Variants in NEO1 observed in about 807,000 individuals in gnomAD.
The protein encoded by NEO1 is neogenin 1, also known as neogenin.
A neutral mutation model predicts 159.7 loss-of-function variants in NEO1; 63 were observed. The observed-to-expected ratio is 0.39, with a 90% CI of 0.32 to 0.49. The LOEUF (loss-of-function observed/expected upper bound fraction) is 0.49, where lower values mean the gene tolerates loss of function less well. Ranked by LOEUF, NEO1 falls within the 20% of genes least tolerant of loss-of-function variation. The pLI is 0.85. For missense variants in NEO1, 1,615 were observed against 1,831.0 expected, an observed-to-expected ratio of 0.88 and a Z score of 2.15; for synonymous variants, 633 against 662.0, an observed-to-expected ratio of 0.96 and a Z score of 0.67.
chr15:73,081,865 G>A (rs79334694), intron 1 of NEO1, among the ~76,000 whole-genome samples: 1 of 133,048 alleles, frequency 7.5e-6, no homozygotes, highest in African/African-American at 2.6e-5. Flanking sequence ...CCAAATACTA[G>A]TATTTTTTTT....
At chr15:73,189,367 T>C (rs1053420900) in intron 7 of NEO1, among the ~76,000 whole-genome samples, 1 of 152,224 alleles carries the variant, frequency 6.6e-6, no homozygotes, top group Non-Finnish European at 1.5e-5. Context: ...ACCGTATTTT[T>C]TGTTGCGTTT....
intron 1 of NEO1, among the ~76,000 whole-genome samples, chr15:73,088,258 T>G (rs1473779080): frequency 2.0e-5 from 3 of 151,976 alleles, no homozygotes; most frequent in Non-Finnish European, 4.4e-5. Flanking sequence ...AATTTTTCTA[T>G]GAGACATCTT....
At chr15:73,187,026 A>G (rs1005035898) in intron 7 of NEO1, among the ~76,000 whole-genome samples, 1 of 152,204 alleles carries the variant, frequency 6.6e-6, no homozygotes, top group Non-Finnish European at 1.5e-5. Context: ...AGAATGGTAT[A>G]TGTAGTGTAG....
At chr15:73,179,636 G>A (rs2035484259) in intron 7 of NEO1, among the ~76,000 whole-genome samples, 1 of 152,136 alleles carries the variant, frequency 6.6e-6, no homozygotes. Context: ...AGCTGGCAAA[G>A]GAAAAGTATA....
At chr15:73,161,530 C>CT (rs1344134986) in intron 5 of NEO1, among the ~76,000 whole-genome samples, 2 of 152,164 alleles carry the variant, frequency 1.3e-5, no homozygotes, top group Non-Finnish European at 2.9e-5. Flanking sequence ...CTGACCACTG[C>CT]TACTACTGTG....
chr15:73,241,680 C>T (rs1170484780), intron 8 of NEO1, among the ~76,000 whole-genome samples: 8 of 152,156 alleles, frequency 5.3e-5, no homozygotes, highest in African/African-American at 2.4e-5. Context: ...CTTTCACATT[C>T]TAACCTGAGT....
At position 73,129,410 on chromosome 15, in the gene NEO1, AG is replaced by A. The variant is rs1308247392; in HGVS notation, c.878+2841del. Among the ~76,000 whole-genome samples the A allele has an allele frequency of 5.3e-5, 8 of 152,318 alleles. No homozygotes were observed. The East Asian group carries it at 1.3e-3, about 26-fold the overall frequency. On this transcript the variant is annotated intron_variant, in intron 4 of 28. Coordinates refer to ENST00000261908, the MANE Select transcript of NEO1 (RefSeq NM_002499.4). ...TTAGGCTGGATCTAGTAAAAAAAAA[AG>A]ATCTTAAATAACTAAACATCCTTCT... is the stretch of plus-strand genomic sequence containing the variant.
At chr15:73,281,864 G>A (rs1270672250) in intron 22 of NEO1, among the ~76,000 whole-genome samples, 1 of 152,178 alleles carries the variant, frequency 6.6e-6, no homozygotes, top group African/African-American at 2.4e-5. Flanking sequence ...TCAAGAAATG[G>A]AAGACAGTAA....
At chr15:73,300,500 C>T (rs983489319) in intron 27 of NEO1, among the ~76,000 whole-genome samples, 18 of 152,182 alleles carry the variant, frequency 1.2e-4, no homozygotes, top group South Asian at 8.3e-4. Context: ...GAGGCCGAGG[C>T]GGGTAGATCA....
intron 7 of NEO1, among the ~76,000 whole-genome samples, chr15:73,203,103 T>A (rs2036997734): frequency 6.6e-6 from 1 of 152,220 alleles, no homozygotes; most frequent in Non-Finnish European, 1.5e-5. Flanking sequence ...GACCCTGCTT[T>A]CAATTCTCTA....
chr15:73,155,242 G>A (rs2033694380), intron 5 of NEO1, among the ~76,000 whole-genome samples: 1 of 151,840 alleles, frequency 6.6e-6, no homozygotes, highest in South Asian at 2.1e-4. Flanking sequence ...TGATGGTGGT[G>A]GTGGTGGTTT....
intron 1 of NEO1, among the ~76,000 whole-genome samples, chr15:73,081,483 T>C (rs2069042343): frequency 2.0e-5 from 3 of 152,216 alleles, no homozygotes; most frequent in African/African-American, 4.8e-5. Flanking sequence ...AAATTCCTTC[T>C]AATTGGACTA....
intron 7 of NEO1, among the ~76,000 whole-genome samples, chr15:73,234,795 G>C (rs905621440): frequency 6.6e-6 from 1 of 152,206 alleles, no homozygotes; most frequent in Non-Finnish European, 1.5e-5. Flanking sequence ...ACAAGAACTG[G>C]AAGTCAAGTT....
intron 13 of NEO1, 146 bp downstream of exon 13, chr15:73,254,975 T>C (rs1341177201): frequency 1.3e-6 from 1 of 764,072 alleles, no homozygotes; most frequent in East Asian, 2.9e-5. Context: ...AATCCACTTC[T>C]GACTTGATAG....
At chr15:73,090,189 A>G (rs1364359375) in intron 1 of NEO1, among the ~76,000 whole-genome samples, 1 of 152,056 alleles carries the variant, frequency 6.6e-6, no homozygotes, top group Admixed American at 6.6e-5. Context: ...TATTCCATTT[A>G]TTTTATTTTA....
intron 7 of NEO1, among the ~76,000 whole-genome samples, chr15:73,234,753 G>A (rs1442897351): frequency 3.3e-5 from 5 of 152,208 alleles, no homozygotes; most frequent in Admixed American, 3.3e-4. Flanking sequence ...AAGGGAGCAT[G>A]AGAGAGAACA....
intron 1 of NEO1, among the ~76,000 whole-genome samples, chr15:73,061,273 C>T (rs990134474): frequency 2.0e-5 from 3 of 152,174 alleles, no homozygotes; most frequent in African/African-American, 4.8e-5. Flanking sequence ...TTCCCATAAA[C>T]GGAAGTTACT....
intron 2 of NEO1, among the ~76,000 whole-genome samples, chr15:73,120,956 T>G (rs1264059182): frequency 6.6e-6 from 1 of 152,174 alleles, no homozygotes; most frequent in Non-Finnish European, 1.5e-5. Context: ...CGTATCTGCC[T>G]TAACCCCCCA....
chr15:73,201,547 G>A (rs2036889854), intron 7 of NEO1, among the ~76,000 whole-genome samples: 1 of 151,994 alleles, frequency 6.6e-6, no homozygotes, highest in African/African-American at 2.4e-5. Flanking sequence ...ATTGTTGGAT[G>A]GAATATGCTA....
Sources: allele counts gnomAD v4.1 joint callset (sites outside exome capture counted in the v4.1 genomes callset), GRCh38; gene constraint gnomAD v4.1.1; transcripts MANE v1.5; gene names NCBI Gene and HGNC (gene_info 2026-07-23, HGNC 2026-07-21).